KAT7: variants seen among roughly 807,000 people sequenced by gnomAD.
KAT7 encodes histone acetyltransferase KAT7.
Under a neutral mutation model 82.1 loss-of-function variants are expected in KAT7, and 10 were observed. The ratio of observed to expected loss-of-function variants is 0.12; its 90% CI spans 0.08 to 0.21. KAT7 has a LOEUF of 0.21. KAT7 is among the 10% of genes least tolerant of loss of function. The pLI is 1.00. For synonymous variants in KAT7, 250 were observed against 262.5 expected (o/e 0.95, Z 0.46); for missense variants, 378 against 760.9 (o/e 0.50, Z 5.92).
In KAT7 at chr17:49,830,208, T is replaced by TTTTAA. The variant is rs778263939; in HGVS notation, c.*2706_*2707insTTTAA. On this transcript the variant is annotated 3_prime_UTR_variant, in exon 15 of 15. Transcript: ENST00000259021. The stretch of plus-strand genomic sequence containing the variant: ...TTTTTTTTTTTTTTTTTTTTTTTTT[T>TTTTAA]AAAAAAAGACAGTCTCACTCTATCA... The TTTTAA allele has an allele frequency of 1.2e-5, 1 of 84,156 alleles. No individual in the cohort carries two copies. The highest frequency in any genetic ancestry group is 2.0e-5 in the Non-Finnish European group (1 of 49,182). 5.2% of individuals were successfully genotyped at this position (84,156 alleles called of 1,614,324 possible).
chr17:49,820,747 CTTT>C (rs776024422), intron 9 of KAT7, among the ~76,000 whole-genome samples: 2 of 99,092 alleles, frequency 2.0e-5, no homozygotes, highest in Non-Finnish European at 4.1e-5. Context: ...GGCTGCTTGC[CTTT>C]TTTTTTTTTT....
At chr17:49,802,535 C>T (rs930814784) in intron 4 of KAT7, among the ~76,000 whole-genome samples, 1 of 151,866 alleles carries the variant, frequency 6.6e-6, no homozygotes, top group African/African-American at 2.4e-5. Context: ...GGCGTGGTGG[C>T]GGCGCTTGTA....
At position 49,827,324 on chromosome 17, in the gene KAT7, G is replaced by A. The variant is rs1242151226; in HGVS notation, c.1735-77G>A. ...AAACCTTTGGCAATTCCTTCTTGGC[G>A]GTTAGTTATTTTGGAATCTATGTAA... On this transcript the variant is annotated intron_variant, in intron 14 of 14. Coordinates refer to ENST00000259021, the MANE Select transcript of KAT7 (RefSeq NM_007067.5). 3.6e-5 allele frequency: 30 copies of A among 840,622 alleles called. No homozygotes were observed. In the East Asian group the frequency reaches 3.9e-4, roughly 11 times the overall value. 52.1% of individuals were successfully genotyped at this position (840,622 alleles called of 1,614,324 possible). A position where few individuals can be genotyped will look rare whatever the true frequency, so the allele number is the denominator to read the frequency against.
At chr17:49,820,747 C>CTTT (rs776024422) in intron 9 of KAT7, among the ~76,000 whole-genome samples, 12 of 99,070 alleles carry the variant, frequency 1.2e-4, no homozygotes, top group Non-Finnish European at 1.6e-4. Flanking sequence ...GGCTGCTTGC[C>CTTT]TTTTTTTTTT....
chr17:49,793,353 T>A (rs1350073785), intron 2 of KAT7, among the ~76,000 whole-genome samples: 1 of 152,140 alleles, frequency 6.6e-6, no homozygotes, highest in Non-Finnish European at 1.5e-5. Flanking sequence ...GAATTGAGAA[T>A]CTTGGGGTTG....
Position 49,828,784 on chromosome 17 carries a change from A to C in KAT7, c.*1282A>C, listed in dbSNP as rs557579297. 6.5e-6 allele frequency: 1 copy of C among 153,244 alleles called. No homozygotes were observed. The highest frequency in any genetic ancestry group is 6.6e-5 in the Admixed American group (1 of 15,260). The allele number at this position is 153,244 out of a possible 1,614,324, so 9.5% of individuals were successfully genotyped here. On this transcript the variant is annotated 3_prime_UTR_variant, in exon 15 of 15. Transcript: ENST00000259021. ...GATGTATGACATGTCACCCTTCCCA[A>C]CTTGGTCTCCTCCAACATGCTGTCT...
chr17:49,802,871 A>G (rs1414578562), intron 4 of KAT7, among the ~76,000 whole-genome samples: 1 of 152,094 alleles, frequency 6.6e-6, no homozygotes, highest in Non-Finnish European at 1.5e-5. Flanking sequence ...GACTACGGGC[A>G]TGGACTACCG....
intron 7 of KAT7, chr17:49,815,183 T>G (rs946782146): frequency 6.6e-6 from 1 of 152,134 alleles, no homozygotes; most frequent in African/African-American, 2.4e-5. Context: ...TTTTAGAGAG[T>G]CCAGCCTATT....
chr17:49,833,267 C>T lies in KAT7; in HGVS notation c.*5765C>T, dbSNP rs944196522. ...CATGTGAGATATAAACATCTTTATC[C>T]TCGACAAGTCATGTTCATTCCAAGA... On this transcript the variant is annotated 3_prime_UTR_variant, in exon 15 of 15. Coordinates refer to ENST00000259021, the MANE Select transcript of KAT7 (RefSeq NM_007067.5). 1 of 152,220 alleles carries T rather than the reference C, an allele frequency of 6.6e-6. No homozygotes were observed. Among genetic ancestry groups the T allele is most frequent in the Admixed American group, 6.5e-5 (1 of 15,278 alleles). The allele number at this position is 152,220 out of a possible 1,614,324, so 9.4% of individuals were successfully genotyped here.
chr17:49,814,653 T>A (rs1259544014), intron 7 of KAT7, among the ~76,000 whole-genome samples: 1 of 152,188 alleles, frequency 6.6e-6, no homozygotes, highest in Non-Finnish European at 1.5e-5. Flanking sequence ...TTTAGTAATT[T>A]GGGATAGGTT....
chr17:49,792,651 T>G, intron 2 of KAT7, among the ~76,000 whole-genome samples: 1 of 152,180 alleles, frequency 6.6e-6, no homozygotes, highest in Admixed American at 6.6e-5. Context: ...TACTCTTCAG[T>G]GTACTGTCTT....
At chr17:49,805,554 T>C (rs1394062324) in intron 5 of KAT7, 109 bp downstream of exon 5, 6 of 643,056 alleles carry the variant, frequency 9.3e-6, no homozygotes, top group Non-Finnish European at 1.6e-5. Flanking sequence ...GTAGGGTCCT[T>C]GTTCTTACAT....
chr17:49,811,341 A>T (rs767597718), intron 6 of KAT7, 135 bp from the exon 7 acceptor site: 171 of 444,000 alleles, frequency 3.9e-4, no homozygotes, highest in Non-Finnish European at 5.2e-4. Flanking sequence ...TCCTGATCTC[A>T]GGTGGTCTGC....
Position 49,798,434 on chromosome 17 carries a change from C to T in KAT7, c.456C>T (p.Ser152=), listed in dbSNP as rs1264354762. ...ISSPNVSHDE[S]IAKDMSLKDS... ...GCCCCAATGTATCTCACGATGAGAG[C>T]ATTGCCAAGGACATGTCCCTGAAGG... Residue 152 remains serine (S), a synonymous_variant, in exon 4 of 15, where the codon AGC becomes AGT. Transcript: ENST00000259021. The T allele has an allele frequency of 1.9e-6, 3 of 1,614,078 alleles. No individual in the cohort carries two copies. Among genetic ancestry groups the T allele is most frequent in the South Asian group, 1.1e-5 (1 of 91,088 alleles).
At chr17:49,811,630 CT>C (rs1414413317) in intron 7 of KAT7, 56 bp downstream of exon 7, 15 of 878,464 alleles carry the variant, frequency 1.7e-5, no homozygotes, top group Non-Finnish European at 2.5e-5. Context: ...CATTTGATTC[CT>C]TTTGCTTTCT....
chr17:49,815,944 G>A (rs565097216), intron 8 of KAT7, 31 bp downstream of exon 8: 2 of 1,327,882 alleles, frequency 1.5e-6, no homozygotes, highest in South Asian at 1.2e-5. Context: ...ACTGAAGGCC[G>A]CTTGTGAAAG....
At chr17:49,812,234 C>CTT (rs35069050) in intron 7 of KAT7, among the ~76,000 whole-genome samples, 2,348 of 119,036 alleles carry the variant, frequency 0.02, 53 homozygotes, top group Non-Finnish European at 0.027. Flanking sequence ...GCTTAAAAAT[C>CTT]TTTTTTTTTT....
chr17:49,802,678 A>G (rs1381749471), intron 4 of KAT7, among the ~76,000 whole-genome samples: 1 of 152,120 alleles, frequency 6.6e-6, no homozygotes, highest in East Asian at 1.9e-4. Context: ...TCAAAAAAAA[A>G]AAAAAGACGT....
intron 4 of KAT7, among the ~76,000 whole-genome samples, chr17:49,803,783 C>T (rs2074055906): frequency 6.6e-6 from 1 of 152,092 alleles, no homozygotes; most frequent in South Asian, 2.1e-4. Context: ...GTCCTAAAAT[C>T]ACCCATTCAC....
Sources: gnomAD v4.1 joint callset for allele counts (sites outside exome capture counted in the v4.1 genomes callset) on GRCh38, gnomAD v4.1.1 for gene constraint, MANE v1.5 for transcripts, NCBI Gene and HGNC (gene_info 2026-07-23, HGNC 2026-07-21) for gene names.